The following KCTD1 variants were observed in gnomAD, a reference collection of about 807,000 sequenced individuals.
KCTD1 encodes the protein BTB/POZ domain-containing protein KCTD1.
A neutral mutation model predicts 66.0 loss-of-function variants in KCTD1; 24 were observed. The ratio of observed to expected loss-of-function variants is 0.36; its 90% CI spans 0.26 to 0.51. The LOEUF is 0.51. Ranked by LOEUF, KCTD1 falls within the 20% of genes least tolerant of loss-of-function variation. The pLI is 0.95. For missense variants in KCTD1, 943 were observed against 1,205.2 expected (o/e 0.78, Z 3.22); for synonymous variants, 511 against 517.2 (o/e 0.99, Z 0.16).
At chr18:26,605,722 C>CCA in intron 1 of KCTD1, among the ~76,000 whole-genome samples, 3 of 97,466 alleles carry the variant, frequency 3.1e-5, no homozygotes, top group Middle Eastern at 4.6e-3. Flanking sequence ...ATATATATCT[C>CCA]TATATCTATC....
At chr18:26,570,191 A>AAATATATATATATATATATATATAT (rs776923644) in intron 1 of KCTD1, among the ~76,000 whole-genome samples, 1 of 132,548 alleles carries the variant, frequency 7.5e-6, no homozygotes, top group Non-Finnish European at 1.6e-5. Flanking sequence ...ATCTAAAAAA[A>AAATATATATATATATATATATATAT]ATATATATAT....
chr18:26,510,995 A>C (rs1020187689), intron 1 of KCTD1, among the ~76,000 whole-genome samples: 1 of 152,154 alleles, frequency 6.6e-6, no homozygotes, highest in Non-Finnish European at 1.5e-5. Context: ...ATGGGCAAAA[A>C]TTTTCAGTTG....
At chr18:26,512,814 C>G (rs772109748) in intron 1 of KCTD1, among the ~76,000 whole-genome samples, 2 of 152,016 alleles carry the variant, frequency 1.3e-5, no homozygotes, top group Admixed American at 1.3e-4. Flanking sequence ...AATCCCATCT[C>G]TACTAAAAAT....
chr18:26,551,096 C>T (rs1449389924), upstream of KCTD1, among the ~76,000 whole-genome samples: 5 of 152,234 alleles, frequency 3.3e-5, no homozygotes, highest in Admixed American at 3.3e-4. Flanking sequence ...CCCCTCCCAC[C>T]AGCTCCCCTC....
intron 1 of KCTD1, among the ~76,000 whole-genome samples, chr18:26,534,117 TTA>T (rs1984577704): frequency 6.6e-6 from 1 of 152,122 alleles, no homozygotes; most frequent in Non-Finnish European, 1.5e-5. Flanking sequence ...ACCTGAAGAT[TTA>T]TATTGCTCAC....
At chr18:26,489,932 T>C (rs1982106797) in intron 2 of KCTD1, among the ~76,000 whole-genome samples, 1 of 152,310 alleles carries the variant, frequency 6.6e-6, no homozygotes, top group South Asian at 2.1e-4. Flanking sequence ...ATCAATCACA[T>C]GGTTTATTAT....
intron 1 of KCTD1, among the ~76,000 whole-genome samples, chr18:26,583,475 A>C (rs1986406220): frequency 6.6e-6 from 1 of 152,046 alleles, no homozygotes; most frequent in Non-Finnish European, 1.5e-5. Context: ...GATGTGGGTA[A>C]TAGGACTTAC....
chr18:26,532,414 C>T (rs2144779898), intron 1 of KCTD1, among the ~76,000 whole-genome samples: 1 of 151,912 alleles, frequency 6.6e-6, no homozygotes, highest in African/African-American at 2.4e-5. Flanking sequence ...CAGACATGCA[C>T]TCCCACACCC....
At chr18:26,565,018 GATA>G (rs939779975) in intron 1 of KCTD1, among the ~76,000 whole-genome samples, 2 of 152,184 alleles carry the variant, frequency 1.3e-5, no homozygotes, top group African/African-American at 4.8e-5. Context: ...AGGCTAAAAT[GATA>G]ATGTTAGTCA....
In KCTD1 at chr18:26,585,355, A is replaced by G. The variant is rs543813885; in HGVS notation, c.-16+43792T>C. The stretch of plus-strand genomic sequence containing the variant: ...CATCCAAATGGAATTCTCTACCTGT[A>G]CAAAGAATTCAGTGTTTGACTAAAG... On this transcript the variant is annotated intron_variant, in intron 1 of 4. Transcript: ENST00000317932. Among the ~76,000 whole-genome samples, 26 of 152,364 alleles carry G rather than the reference A, an allele frequency of 1.7e-4. No individual in the cohort carries two copies. The South Asian group carries it at 5.4e-3, about 32-fold the overall frequency.
rs1985366892 is a variant in KCTD1 at position 26,548,328 on chromosome 18, T to G, written c.209A>C (p.Gln70Pro). The change falls in exon 1 of 5, where the codon CAG becomes CCG. Residue 70 changes from glutamine (Q) to proline (P), a missense_variant. By Grantham distance (76) the Gln-to-Pro change is moderately conservative. Around this residue, in one of 10 missense-constraint regions of KCTD1, gnomAD observed 236 missense variants for 206.6 expected, o/e 1.14. Transcript: ENST00000580059. ...EEEEDEIQEVQITGDEEEEED... is the reference protein window; with the variant it reads ...EEEEDEIQEVPITGDEEEEED... ...CTCCTCCTCCTCGTCCCCCGTTATCTGCACCTCCTGGATCTCGTCCTCCTC... is the reference window on the plus strand; with the variant it reads ...CTCCTCCTCCTCGTCCCCCGTTATCGGCACCTCCTGGATCTCGTCCTCCTC... 1.3e-6 allele frequency: 2 copies of G among 1,495,172 alleles called. No homozygotes were observed. Among genetic ancestry groups the G allele is most frequent in the African/African-American group, 1.4e-5 (1 of 71,194 alleles). 92.6% of individuals were successfully genotyped at this position (1,495,172 alleles called of 1,614,324 possible).
chr18:26,552,021 A>G (rs1031250326), upstream of KCTD1, among the ~76,000 whole-genome samples: 1 of 152,128 alleles, frequency 6.6e-6, no homozygotes, highest in Non-Finnish European at 1.5e-5. Context: ...ATTTATTGCA[A>G]TTATTTAACT....
At chr18:26,471,292 G>A (rs1219330129) in intron 3 of KCTD1, among the ~76,000 whole-genome samples, 1 of 151,776 alleles carries the variant, frequency 6.6e-6, no homozygotes, top group East Asian at 1.9e-4. Flanking sequence ...TACACCCAAA[G>A]CTCGATGTAT....
At chr18:26,508,114 A>T (rs17799903) in intron 1 of KCTD1, among the ~76,000 whole-genome samples, 13,066 of 152,250 alleles carry the variant, frequency 0.086, 630 homozygotes, top group Middle Eastern at 0.17. Context: ...CCTTTGATAG[A>T]ATTCACCAAA....
At chr18:26,622,574 A>AT (rs561083855) in intron 1 of KCTD1, among the ~76,000 whole-genome samples, 113 of 152,334 alleles carry the variant, frequency 7.4e-4, no homozygotes, top group Admixed American at 4.8e-3. Context: ...GGGTCAACAA[A>AT]TACATATGCC....
intron 1 of KCTD1, among the ~76,000 whole-genome samples, chr18:26,519,900 C>T (rs1567977998): frequency 6.6e-6 from 1 of 152,140 alleles, no homozygotes; most frequent in South Asian, 2.1e-4. Flanking sequence ...ATTTGTTGCT[C>T]TTAATTTAAA....
chr18:26,651,127 C>T (rs1352121378), intron 1 of KCTD1, among the ~76,000 whole-genome samples: 1 of 152,092 alleles, frequency 6.6e-6, no homozygotes, highest in East Asian at 1.9e-4. Context: ...TTCTTTCTCT[C>T]TTGGCATAAC....
intron 1 of KCTD1, chr18:26,591,457 C>T (rs1166453857): frequency 6.6e-6 from 1 of 152,218 alleles, no homozygotes. Context: ...CCGACTACTA[C>T]TACTACTAAT....
chr18:26,620,832 GC>G (rs1304314112), intron 1 of KCTD1, among the ~76,000 whole-genome samples: 1 of 82,010 alleles, frequency 1.2e-5, no homozygotes, highest in East Asian at 4.1e-4. Flanking sequence ...CACTTGAAAA[GC>G]TTTTTTTTTT....
Sources: gnomAD v4.1 joint callset for allele counts (sites outside exome capture counted in the v4.1 genomes callset) on GRCh38, gnomAD v4.1.1 for gene constraint, gnomAD v4.1.1 regional missense constraint, MANE v1.5 for transcripts, NCBI Gene and HGNC (gene_info 2026-07-23, HGNC 2026-07-21) for gene names.